STK3: variants seen among roughly 807,000 people sequenced by gnomAD.
The protein encoded by STK3 is serine/threonine-protein kinase 3.
A neutral mutation model predicts 58.0 loss-of-function variants in STK3; 41 were observed. The observed-to-expected ratio is 0.71, with a 90% CI of 0.55 to 0.92. STK3 has a LOEUF of 0.92. STK3 is among the 40% of genes least tolerant of loss of function. STK3 has a pLI of 0.00. For missense variants in STK3, 479 were observed against 602.7 expected (o/e 0.79, Z 2.15); for synonymous variants, 170 against 191.0 (o/e 0.89, Z 0.91).
In STK3 at chr8:98,544,281, T is replaced by A. The variant is rs143361008; in HGVS notation, c.1141+3688A>T. 5.5e-4 allele frequency among the ~76,000 whole-genome samples: 84 copies of A among 152,296 alleles called. No individual in the cohort carries two copies. The East Asian group carries it at 0.014, about 26-fold the overall frequency. On this transcript the variant is annotated intron_variant, in intron 9 of 10. Coordinates refer to ENST00000419617, the MANE Select transcript of STK3 (RefSeq NM_006281.4). ...CACAGGATGTTAATCACTGATACGT[T>A]CCTCATTAAAAGCTTTTCATGGTCA...
intron 8 of STK3, among the ~76,000 whole-genome samples, chr8:98,548,725 C>A (rs962862990): frequency 6.6e-6 from 1 of 152,096 alleles, no homozygotes; most frequent in Non-Finnish European, 1.5e-5. Context: ...TTCATTCCCC[C>A]TTTCCCCAGC....
rs145444566 is a variant in STK3, at chr8:98,424,897, C to T, written n.483+9230G>A. 4.4e-3 allele frequency among the ~76,000 whole-genome samples: 671 copies of T among 152,166 alleles called. 8 individuals are homozygous for T. The highest frequency in any genetic ancestry group is 4.1e-3 in the East Asian group (21 of 5,178). ...AGGGGGCTGTGAGCTCTGGAGGGGC[C>T]GGAAGGCAGGCAGCTCGTAGTGAAA... On this transcript the variant is annotated intron_variant and non_coding_transcript_variant, in intron 3 of 3. Transcript: ENST00000517832.
intron 4 of STK3, among the ~76,000 whole-genome samples, chr8:98,708,360 T>C (rs1424066872): frequency 6.6e-6 from 1 of 152,054 alleles, no homozygotes; most frequent in Non-Finnish European, 1.5e-5. Context: ...TAAAGGAAAG[T>C]AAATGAGGGA....
At chr8:98,873,643 C>T (rs1837460862) in intron 3 of STK3, among the ~76,000 whole-genome samples, 1 of 151,624 alleles carries the variant, frequency 6.6e-6, no homozygotes, top group Non-Finnish European at 1.5e-5. Flanking sequence ...TCTGTTTTAT[C>T]AGAGACTAGG....
At chr8:98,726,868 C>G (rs1827830837) in intron 4 of STK3, among the ~76,000 whole-genome samples, 1 of 152,156 alleles carries the variant, frequency 6.6e-6, no homozygotes. Context: ...AGATGGGACC[C>G]AAAAGCTTTG....
intron 3 of STK3, among the ~76,000 whole-genome samples, chr8:98,832,615 G>C (rs1045520518): frequency 1.3e-5 from 2 of 152,086 alleles, no homozygotes; most frequent in Admixed American, 1.3e-4. Context: ...AAGGGAAGAA[G>C]TATAATGAGG....
At chr8:98,536,534 G>A (rs1383944285) in intron 9 of STK3, among the ~76,000 whole-genome samples, 1 of 151,876 alleles carries the variant, frequency 6.6e-6, no homozygotes, top group African/African-American at 2.4e-5. Context: ...TCTGTTTTTT[G>A]CTCTTTTCTA....
chr8:98,641,118 C>T (rs1027049903), intron 6 of STK3, among the ~76,000 whole-genome samples: 1 of 151,896 alleles, frequency 6.6e-6, no homozygotes, highest in Non-Finnish European at 1.5e-5. Flanking sequence ...CTATATCTTC[C>T]CCACAAGAAG....
chr8:98,817,319 T>A (rs1195993134), intron 1 of STK3, among the ~76,000 whole-genome samples: 1 of 152,118 alleles, frequency 6.6e-6, no homozygotes. Flanking sequence ...CTGGGTGTGG[T>A]GGCACACGCC....
downstream of STK3, among the ~76,000 whole-genome samples, chr8:98,450,936 T>A (rs1232039877): frequency 2.0e-5 from 3 of 152,190 alleles, no homozygotes; most frequent in Non-Finnish European, 4.4e-5. Context: ...ATGCAAAGAT[T>A]TTAGAGACAG....
At chr8:98,812,581 GCACACATATGTTTACTGTGGCACAATT>G (rs1448375789) in intron 1 of STK3, among the ~76,000 whole-genome samples, 1 of 152,170 alleles carries the variant, frequency 6.6e-6, no homozygotes, top group African/African-American at 2.4e-5. Context: ...ATAAAGACAT[GCACACATATGTTTACTGTGGCACAATT>G]CACAATAGCG....
Position 98,579,760 on chromosome 8 carries a change from T to C in STK3, c.852A>G (p.Val284=). The C allele has an allele frequency of 1.3e-6, 2 of 1,595,032 alleles. No individual in the cohort carries two copies. Among genetic ancestry groups the C allele is most frequent in the Non-Finnish European group, 1.7e-6 (2 of 1,174,542 alleles). Residue 284 remains valine, a synonymous_variant, in exon 8 of 11, where the codon GTA becomes GTG. Transcript: ENST00000419617. ...CTGTGATCAGGTCTCTTAATATTGA[T>C]ACAGGTTTGGCATTCTTGATAAAAG... ...QHPFIKNAKP[V]SILRDLITEA...
At chr8:98,716,105 AG>A (rs1455783549) in intron 4 of STK3, among the ~76,000 whole-genome samples, 2 of 152,114 alleles carry the variant, frequency 1.3e-5, no homozygotes, top group East Asian at 3.9e-4. Flanking sequence ...GGACACAGGA[AG>A]GGGAACATCA....
At chr8:98,679,743 T>C (rs777322105) in intron 6 of STK3, among the ~76,000 whole-genome samples, 3 of 152,200 alleles carry the variant, frequency 2.0e-5, no homozygotes, top group African/African-American at 4.8e-5. Context: ...GTTACAGTAA[T>C]AGTTGGCTCA....
At chr8:98,614,599 T>C (rs965154015) in intron 6 of STK3, among the ~76,000 whole-genome samples, 28 of 149,638 alleles carry the variant, frequency 1.9e-4, no homozygotes, top group Middle Eastern at 6.8e-3. Flanking sequence ...CCAGTGGGTG[T>C]GCGCACCGTG....
At chr8:98,792,274 C>T (rs889938007) in intron 1 of STK3, among the ~76,000 whole-genome samples, 9 of 152,282 alleles carry the variant, frequency 5.9e-5, no homozygotes, top group Middle Eastern at 3.4e-3. Flanking sequence ...CTTACTTCTG[C>T]AACAATGGCC....
intron 10 of STK3, among the ~76,000 whole-genome samples, chr8:98,480,405 G>A (rs1821753948): frequency 6.6e-6 from 1 of 152,072 alleles, no homozygotes; most frequent in East Asian, 1.9e-4. Flanking sequence ...TCTGAGATAG[G>A]AGAAGCACAC....
At chr8:98,484,226 T>C (rs1822070092) in intron 10 of STK3, among the ~76,000 whole-genome samples, 1 of 151,626 alleles carries the variant, frequency 6.6e-6, no homozygotes, top group South Asian at 2.1e-4. Flanking sequence ...AAATAATTTC[T>C]TTCCTACAAA....
chr8:98,908,843 C>CAAAAAAAA (rs1187304586), intron 1 of STK3, among the ~76,000 whole-genome samples: 2 of 60,446 alleles, frequency 3.3e-5, no homozygotes, highest in Non-Finnish European at 3.4e-5. Flanking sequence ...GACTTCTTCT[C>CAAAAAAAA]AAAAAAAAAA....
Sources: gnomAD v4.1 joint callset for allele counts (sites outside exome capture counted in the v4.1 genomes callset) on GRCh38, gnomAD v4.1.1 for gene constraint, MANE v1.5 for transcripts, NCBI Gene and HGNC (gene_info 2026-07-23, HGNC 2026-07-21) for gene names.